ZNF519: variants seen among roughly 807,000 people sequenced by gnomAD.
ZNF519 encodes similar to Zinc finger protein 85 (Zinc finger protein HPF4) (HTF1).
In ZNF519, 7 loss-of-function variants were observed where a neutral mutation model predicts 7.4. The ratio of observed to expected loss-of-function variants is 0.94; its 90% CI spans 0.54 to 1.77. The LOEUF (loss-of-function observed/expected upper bound fraction) is 1.77. Among genes scored for constraint, ZNF519 ranks in the 40% most tolerant of loss-of-function variants. ZNF519 has a pLI of 0.00. For synonymous variants in ZNF519, 179 were observed against 203.3 expected, an observed-to-expected ratio of 0.88 and a Z score of 1.02; for missense variants, 586 against 623.1, an observed-to-expected ratio of 0.94 and a Z score of 0.63.
intron 2 of ZNF519, among the ~76,000 whole-genome samples, chr18:14,086,378 G>T (rs2046090593): frequency 6.6e-6 from 1 of 152,186 alleles, no homozygotes; most frequent in South Asian, 2.1e-4. Flanking sequence ...AGCTGTAGCC[G>T]TGGAACTTGA....
rs897321198 is a variant in ZNF519 at position 14,100,332 on chromosome 18, T to C, written c.*4585A>G. On this transcript the variant is annotated 3_prime_UTR_variant, in exon 3 of 3. Coordinates refer to ENST00000590202, the MANE Select transcript of ZNF519 (RefSeq NM_145287.4). The stretch of plus-strand genomic sequence containing the variant: ...ATGCTGGAAATATTTTCCAGAGTAA[T>C]GAAAACATGTATTCATATGAAACCT... 5.3e-5 allele frequency: 8 copies of C among 152,160 alleles called. No homozygotes were observed. Among genetic ancestry groups the C allele is most frequent in the African/African-American group, 1.9e-4 (8 of 41,422 alleles). 9.4% of individuals were successfully genotyped at this position (152,160 alleles called of 1,614,324 possible). A position where few individuals can be genotyped will look rare whatever the true frequency, so the allele number is the denominator to read the frequency against.
At chr18:14,096,804 A>G (rs2046138652), downstream of ZNF519, among the ~76,000 whole-genome samples, 1 of 152,164 alleles carries the variant, frequency 6.6e-6, no homozygotes, top group Non-Finnish European at 1.5e-5. Context: ...CTATAGATGA[A>G]AGAGGGAGAG....
chr18:14,084,079 C>A (rs1392298939), intron 3 of ZNF519: 1 of 152,126 alleles, frequency 6.6e-6, no homozygotes, highest in African/African-American at 2.4e-5. Flanking sequence ...TGAGGCAAGG[C>A]CCTCAGTGAG....
intron 1 of ZNF519, among the ~76,000 whole-genome samples, chr18:14,129,121 C>T (rs1240729994): frequency 2.0e-5 from 3 of 152,074 alleles, no homozygotes; most frequent in Non-Finnish European, 4.4e-5. Flanking sequence ...GCTCAGGCAG[C>T]GCTATGTTCT....
intron 1 of ZNF519, among the ~76,000 whole-genome samples, chr18:14,130,656 T>C (rs150617483): frequency 0.023 from 3,447 of 148,356 alleles, 120 homozygotes; most frequent in African/African-American, 0.081. Flanking sequence ...TGCCCCACTG[T>C]GCTTTTTGCT....
intron 2 of ZNF519, among the ~76,000 whole-genome samples, chr18:14,109,117 CAA>C (rs1394519344): frequency 8.5e-6 from 1 of 117,322 alleles, no homozygotes. Flanking sequence ...AACTCCGTCT[CAA>C]AAAAAAAAAA....
chr18:14,110,497 A>T (rs2046214597), intron 2 of ZNF519, among the ~76,000 whole-genome samples: 1 of 152,032 alleles, frequency 6.6e-6, no homozygotes. Context: ...AATTAGCCAA[A>T]TAATAATAAT....
intron 2 of ZNF519, among the ~76,000 whole-genome samples, chr18:14,086,990 C>T (rs921300533): frequency 6.6e-6 from 1 of 151,974 alleles, no homozygotes; most frequent in African/African-American, 2.4e-5. Context: ...AAAATCCTCA[C>T]AAAATACTAG....
chr18:14,075,666 A>G (rs1469920339), downstream of ZNF519: 1 of 152,226 alleles, frequency 6.6e-6, no homozygotes, highest in Non-Finnish European at 1.5e-5. Context: ...AATGCTAAAG[A>G]AAAAATATTT....
chr18:14,087,944 G>T (rs1170197495), intron 2 of ZNF519, among the ~76,000 whole-genome samples: 1 of 152,128 alleles, frequency 6.6e-6, no homozygotes, highest in Non-Finnish European at 1.5e-5. Flanking sequence ...GCCCCACCTT[G>T]TAGCAAAATT....
rs752278247 is a variant in ZNF519, at chr18:14,106,027, A to G, written c.513T>C (p.His171=). The change falls in exon 3 of 3, where the codon CAT becomes CAC. Residue 171 remains histidine, a synonymous_variant. Coordinates refer to ENST00000590202, the MANE Select transcript of ZNF519 (RefSeq NM_145287.4). ...NFNHDSNISK[H]HSTHFLENYY... Reference sequence around the variant, plus strand: ...AGTTTTCTAGAAAATGAGTACTATGATGTTTACTAATATTTGAGTCATGGT... The same window carrying G: ...AGTTTTCTAGAAAATGAGTACTATGGTGTTTACTAATATTTGAGTCATGGT... The G allele has an allele frequency of 1.9e-6, 3 of 1,581,602 alleles. No individual in the cohort carries two copies. The highest frequency in any genetic ancestry group is 2.6e-6 in the Non-Finnish European group (3 of 1,160,646).
chr18:14,099,790 T>C (rs1043179225), downstream of ZNF519: 2 of 152,156 alleles, frequency 1.3e-5, no homozygotes. Context: ...CTAAATTAAA[T>C]AGGGTTCCAC....
chr18:14,077,767 G>C (rs1487561379), intron 4 of ZNF519, among the ~76,000 whole-genome samples: 1 of 152,118 alleles, frequency 6.6e-6, no homozygotes, highest in Non-Finnish European at 1.5e-5. Context: ...TGTCTTACTG[G>C]ATTCTATGCT....
chr18:14,110,177 C>T (rs1465734020), intron 2 of ZNF519, among the ~76,000 whole-genome samples: 1 of 152,046 alleles, frequency 6.6e-6, no homozygotes, highest in Non-Finnish European at 1.5e-5. Flanking sequence ...CCATCTCTGA[C>T]CGTATACAAA....
chr18:14,090,104 A>G (rs1322191338), intron 2 of ZNF519: 2 of 152,184 alleles, frequency 1.3e-5, no homozygotes, highest in South Asian at 2.1e-4. Flanking sequence ...TCCACCGCTC[A>G]CTGGCTCATG....
chr18:14,120,363 A>C (rs1436787099), intron 2 of ZNF519, among the ~76,000 whole-genome samples: 1 of 152,194 alleles, frequency 6.6e-6, no homozygotes, highest in Non-Finnish European at 1.5e-5. Context: ...GAATATAATT[A>C]GATTATTTTC....
exon 5 of ZNF519, chr18:14,076,587 A>G (rs1376600237): frequency 6.6e-6 from 1 of 152,198 alleles, no homozygotes; most frequent in East Asian, 1.9e-4. Flanking sequence ...TTTCAATGTC[A>G]GAATTGTTTA....
At chr18:14,081,243 T>G (rs2143080068) in intron 3 of ZNF519, among the ~76,000 whole-genome samples, 1 of 152,178 alleles carries the variant, frequency 6.6e-6, no homozygotes, top group African/African-American at 2.4e-5. Flanking sequence ...TGGGGGACAC[T>G]ATGCATGTAT....
At chr18:14,071,977 G>C (rs1598504088), downstream of ZNF519, 1 of 152,320 alleles carries the variant, frequency 6.6e-6, no homozygotes, top group East Asian at 1.9e-4. Flanking sequence ...TGGTTTTGTT[G>C]ACCACTGTGT....
Sources: allele counts gnomAD v4.1 joint callset (sites outside exome capture counted in the v4.1 genomes callset), GRCh38; gene constraint gnomAD v4.1.1; transcripts MANE v1.5; gene names NCBI Gene and HGNC (gene_info 2026-07-23, HGNC 2026-07-21).